Variants in CSMD2 observed in about 807,000 individuals in gnomAD.
The protein encoded by CSMD2 is CUB and Sushi multiple domains 2, also known as CUB and sushi domain-containing protein 2.
CSMD2 carries 130 observed loss-of-function variants against 398.5 expected under a neutral mutation model. That is an observed-to-expected ratio of 0.33 (90% CI 0.28 to 0.38). The LOEUF is 0.38. Ranked by LOEUF, CSMD2 falls within the 10% of genes least tolerant of loss-of-function variation. The pLI is 1.00. For missense variants in CSMD2, 3,829 were observed against 4,764.9 expected (o/e 0.80, Z 5.78); for synonymous variants, 1,828 against 1,908.5 (o/e 0.96, Z 1.10).
chr1:33,620,804 G>A (rs1310709433), intron 37 of CSMD2, among the ~76,000 whole-genome samples: 1 of 139,178 alleles, frequency 7.2e-6, no homozygotes, highest in East Asian at 2.0e-4. Flanking sequence ...GCTGTCCTGG[G>A]TCTTTTTTTT....
intron 5 of CSMD2, among the ~76,000 whole-genome samples, chr1:33,848,866 G>A (rs1638491329): frequency 6.6e-6 from 1 of 150,632 alleles, no homozygotes; most frequent in Non-Finnish European, 1.5e-5. Flanking sequence ...ACAAAGCTTG[G>A]AGGCTATTTA....
intron 1 of CSMD2, among the ~76,000 whole-genome samples, chr1:34,126,612 C>T (rs1662764445): frequency 6.6e-6 from 1 of 152,152 alleles, no homozygotes; most frequent in Admixed American, 6.5e-5. Flanking sequence ...TGCCCTCGCT[C>T]CCTTGTAGCA....
chr1:33,659,037 C>A (rs1644040844), intron 26 of CSMD2, among the ~76,000 whole-genome samples: 1 of 152,120 alleles, frequency 6.6e-6, no homozygotes, highest in Non-Finnish European at 1.5e-5. Context: ...ATCCATTAGA[C>A]TGAAACCATA....
chr1:33,676,858 G>A (rs937656486), intron 25 of CSMD2, among the ~76,000 whole-genome samples: 4 of 152,268 alleles, frequency 2.6e-5, no homozygotes, highest in South Asian at 4.1e-4. Flanking sequence ...AAGCAATGGG[G>A]AAAGGATTCC....
intron 5 of CSMD2, among the ~76,000 whole-genome samples, chr1:33,906,078 G>A (rs962726029): frequency 2.6e-5 from 4 of 152,196 alleles, no homozygotes; most frequent in East Asian, 3.8e-4. Flanking sequence ...CAACCCCCTC[G>A]AGCCTGGGTA....
intron 3 of CSMD2, among the ~76,000 whole-genome samples, chr1:33,965,273 T>C (rs1284992573): frequency 1.3e-5 from 2 of 152,236 alleles, no homozygotes; most frequent in African/African-American, 4.8e-5. Context: ...AAAGAGCTTA[T>C]GGTGATGTGT....
intron 13 of CSMD2, among the ~76,000 whole-genome samples, chr1:33,766,146 C>A (rs546795406): frequency 1.3e-5 from 2 of 152,288 alleles, no homozygotes; most frequent in South Asian, 4.1e-4. Flanking sequence ...CTATAGGAAC[C>A]ATTACAAACC....
At chr1:33,594,499 CT>C (rs939471910) in intron 44 of CSMD2, among the ~76,000 whole-genome samples, 1 of 152,186 alleles carries the variant, frequency 6.6e-6, no homozygotes, top group African/African-American at 2.4e-5. Flanking sequence ...TTGCCAGCCT[CT>C]TTTTTATTTC....
chr1:33,632,527 A>G (rs1642523722), intron 32 of CSMD2, among the ~76,000 whole-genome samples: 1 of 152,192 alleles, frequency 6.6e-6, no homozygotes, highest in Non-Finnish European at 1.5e-5. Context: ...CCTAACTAGT[A>G]ATAAAACAAG....
chr1:33,710,530 G>A (rs539041544), intron 21 of CSMD2, among the ~76,000 whole-genome samples: 81 of 152,310 alleles, frequency 5.3e-4, no homozygotes, highest in Middle Eastern at 6.8e-3. Flanking sequence ...CCTGTTATTC[G>A]TGTGGACATA....
chr1:33,519,494 G>T lies in CSMD2; in HGVS notation c.*24C>A, dbSNP rs758934954. 2.5e-6 allele frequency: 4 copies of T among 1,591,174 alleles called. No individual in the cohort carries two copies. The highest frequency in any genetic ancestry group is 4.5e-5 in the East Asian group (2 of 44,140). On this transcript the variant is annotated 3_prime_UTR_variant, in exon 70 of 71. Coordinates refer to ENST00000373381, the MANE Select transcript of CSMD2 (RefSeq NM_001281956.2). The surrounding 1 kb of genome is among the most constrained non-coding windows in gnomAD (Gnocchi z 5.6). Reference sequence around the variant, plus strand: ...TGCTGGAGGCGGGGCTCTCGGTGGCGGTGGTGGCGGCCAGGCCGGGTGGCT... The same window carrying T: ...TGCTGGAGGCGGGGCTCTCGGTGGCTGTGGTGGCGGCCAGGCCGGGTGGCT...
At chr1:34,021,904 T>C (rs1648942499) in intron 3 of CSMD2, among the ~76,000 whole-genome samples, 1 of 152,208 alleles carries the variant, frequency 6.6e-6, no homozygotes, top group South Asian at 2.1e-4. Context: ...AGCTTTTCCA[T>C]ATTTTAATAT....
At chr1:33,681,071 C>A (rs1196442656) in intron 25 of CSMD2, among the ~76,000 whole-genome samples, 3 of 151,748 alleles carry the variant, frequency 2.0e-5, no homozygotes, top group Non-Finnish European at 4.4e-5. Context: ...ACTACAGGTG[C>A]ATGCCACCAT....
chr1:33,756,414 CT>C (rs957751419), intron 13 of CSMD2, among the ~76,000 whole-genome samples: 47 of 152,180 alleles, frequency 3.1e-4, no homozygotes, highest in African/African-American at 1.1e-3. Context: ...AGTTTACATT[CT>C]AAGAGGTGAC....
chr1:33,836,985 C>T (rs1277847982), intron 6 of CSMD2, among the ~76,000 whole-genome samples: 4 of 152,234 alleles, frequency 2.6e-5, no homozygotes, highest in African/African-American at 9.7e-5. Flanking sequence ...GGAGCTGTTC[C>T]TATTCGGCCA....
intron 2 of CSMD2, among the ~76,000 whole-genome samples, chr1:34,052,174 C>CAA (rs1321583635): frequency 6.6e-6 from 1 of 151,166 alleles, no homozygotes; most frequent in African/African-American, 2.4e-5. Context: ...TGTATACACA[C>CAA]ACACACACAC....
At chr1:33,646,908 A>G in intron 28 of CSMD2, 73 bp from the exon 29 acceptor site, 1 of 1,465,032 alleles carries the variant, frequency 6.8e-7, no homozygotes, top group African/African-American at 1.4e-5. Flanking sequence ...CTTAGGCTCA[A>G]CCAAAGCATA....
intron 1 of CSMD2, among the ~76,000 whole-genome samples, chr1:34,148,041 G>C (rs1425131397): frequency 3.3e-5 from 5 of 152,128 alleles, no homozygotes; most frequent in Non-Finnish European, 5.9e-5. Context: ...GCTGGAGCAA[G>C]AGTAAAGAGA....
At chr1:33,918,055 A>G in intron 5 of CSMD2, 39 bp downstream of exon 5, 1 of 1,577,012 alleles carries the variant, frequency 6.3e-7, no homozygotes, top group Non-Finnish European at 8.7e-7. Context: ...TCACAGTTGC[A>G]GAGAATAGGG....
Sources: allele counts gnomAD v4.1 joint callset (sites outside exome capture counted in the v4.1 genomes callset), GRCh38; gene constraint gnomAD v4.1.1; non-coding constraint Gnocchi (gnomAD v3.1); transcripts MANE v1.5; gene names NCBI Gene and HGNC (gene_info 2026-07-23, HGNC 2026-07-21).